UNC13C: variants seen among roughly 807,000 people sequenced by gnomAD.
The protein encoded by UNC13C is unc-13 homolog C.
Under a neutral mutation model 245.4 loss-of-function variants are expected in UNC13C, and 174 were observed. The observed-to-expected ratio is 0.71, with a 90% confidence interval of 0.63 to 0.80. The LOEUF (loss-of-function observed/expected upper bound fraction) is 0.80. Among genes scored for constraint, UNC13C ranks in the 30% least tolerant of loss-of-function variants. UNC13C has a pLI of 0.00. For synonymous variants in UNC13C, 992 were observed against 895.1 expected, an observed-to-expected ratio of 1.11 and a Z score of -1.93; for missense variants, 2,829 against 2,602.9, an observed-to-expected ratio of 1.09 and a Z score of -1.89.
At chr15:54,562,526 C>A (rs1273828309) in intron 29 of UNC13C, among the ~76,000 whole-genome samples, 2 of 151,918 alleles carry the variant, frequency 1.3e-5, no homozygotes, top group African/African-American at 4.8e-5. Flanking sequence ...TTAATAGCAG[C>A]CAGTGACGGG....
intron 13 of UNC13C, among the ~76,000 whole-genome samples, chr15:54,306,284 T>C (rs1227479863): frequency 6.6e-6 from 1 of 151,974 alleles, no homozygotes; most frequent in Admixed American, 6.6e-5. Context: ...GGGATTACAA[T>C]TTTCCTGTTT....
intron 29 of UNC13C, among the ~76,000 whole-genome samples, chr15:54,559,848 TG>T (rs1897232640): frequency 1.3e-5 from 2 of 151,970 alleles, no homozygotes; most frequent in African/African-American, 4.8e-5. Flanking sequence ...TGATCATGAC[TG>T]GCTGAGTATC....
In UNC13C at chr15:54,408,495, A is replaced by G. The variant is rs75823050; in HGVS notation, c.4848-6487A>G. On this transcript the variant is annotated intron_variant, in intron 18 of 32. Coordinates refer to ENST00000260323, the MANE Select transcript of UNC13C (RefSeq NM_001080534.3). ...GTTTTGTGAGAAACAAATTAATATT[A>G]TCCATCTTTTAAAAGAACTCACGTA... Among the ~76,000 whole-genome samples, 810 of 152,298 alleles carry G rather than the reference A, an allele frequency of 5.3e-3. 2 individuals carry two copies. The highest frequency in any genetic ancestry group is 8.7e-3 in the Non-Finnish European group (593 of 68,026).
rs552602942 is a variant in UNC13C, at chr15:54,064,030, C to T, written c.2983+48144C>T. Among the ~76,000 whole-genome samples the T allele has an allele frequency of 3.4e-4, 52 of 152,224 alleles. 1 individual carries two copies. In the South Asian group the frequency reaches 0.011, roughly 32 times the overall value. Reference sequence around the variant, plus strand: ...AGATGGATTTATAGAGCTTTCTTATCCCTCTTTGTGTCTAGCTGCTCACCA... The same window carrying T: ...AGATGGATTTATAGAGCTTTCTTATTCCTCTTTGTGTCTAGCTGCTCACCA... On this transcript the variant is annotated intron_variant, in intron 2 of 32. Coordinates refer to ENST00000260323, the MANE Select transcript of UNC13C (RefSeq NM_001080534.3).
intron 4 of UNC13C, among the ~76,000 whole-genome samples, chr15:54,180,033 CA>C (rs1331409664): frequency 3.3e-5 from 5 of 151,898 alleles, no homozygotes; most frequent in Admixed American, 2.6e-4. Context: ...ATTTTACTTT[CA>C]GGGGGTATAC....
At chr15:54,590,583 A>C (rs1475889326) in intron 30 of UNC13C, among the ~76,000 whole-genome samples, 3 of 152,010 alleles carry the variant, frequency 2.0e-5, no homozygotes, top group Admixed American at 6.6e-5. Context: ...TCTTGATTTG[A>C]TTCTCTATTT....
intron 4 of UNC13C, among the ~76,000 whole-genome samples, chr15:54,170,717 G>C (rs925233171): frequency 1.3e-5 from 2 of 152,136 alleles, no homozygotes; most frequent in East Asian, 3.9e-4. Context: ...ACGATACTCT[G>C]CTAGAGAGAA....
intron 19 of UNC13C, among the ~76,000 whole-genome samples, chr15:54,463,339 G>C (rs532833583): frequency 1.4e-5 from 2 of 140,016 alleles, no homozygotes; most frequent in African/African-American, 2.6e-5. Flanking sequence ...CAACCCACTG[G>C]GGTCCCCTTC....
At chr15:54,592,505 T>C (rs1898844976) in intron 30 of UNC13C, among the ~76,000 whole-genome samples, 1 of 152,190 alleles carries the variant, frequency 6.6e-6, no homozygotes, top group Non-Finnish European at 1.5e-5. Context: ...TGTTTAGGAT[T>C]GTGATATTTT....
chr15:54,255,838 A>G (rs1001003494), intron 8 of UNC13C, among the ~76,000 whole-genome samples: 6 of 152,156 alleles, frequency 3.9e-5, no homozygotes, highest in African/African-American at 1.4e-4. Context: ...CTCTCCCAGC[A>G]TGTTATTGCA....
At position 54,333,857 on chromosome 15, in the gene UNC13C, G is replaced by T; in HGVS notation, c.4584+1G>T. The stretch of plus-strand genomic sequence containing the variant: ...AAGTATCACCTTTTTTAGGATGAAG[G>T]TATCTCATTTTATTTCTGTCACTGT... On this transcript the variant is annotated splice_donor_variant, in intron 16 of 32. Transcript: ENST00000260323. LOFTEE classifies it high-confidence loss of function. The T allele has an allele frequency of 6.3e-7, 1 of 1,590,932 alleles. No individual in the cohort carries two copies. Among genetic ancestry groups the T allele is most frequent in the Non-Finnish European group, 8.6e-7 (1 of 1,165,962 alleles).
chr15:54,227,695 G>A (rs1567116076), intron 4 of UNC13C, among the ~76,000 whole-genome samples: 1 of 152,176 alleles, frequency 6.6e-6, no homozygotes, highest in Non-Finnish European at 1.5e-5. Flanking sequence ...TGGGGACAAG[G>A]GGGCTTCCCG....
intron 7 of UNC13C, among the ~76,000 whole-genome samples, chr15:54,241,658 T>G (rs2035854234): frequency 6.6e-6 from 1 of 152,258 alleles, no homozygotes; most frequent in African/African-American, 2.4e-5. Flanking sequence ...TTGTGAGAAT[T>G]AAAAGAAATA....
At chr15:54,576,158 C>T (rs1897948529) in intron 30 of UNC13C, among the ~76,000 whole-genome samples, 1 of 152,232 alleles carries the variant, frequency 6.6e-6, no homozygotes, top group Admixed American at 6.5e-5. Context: ...ACATTCTCCA[C>T]ACTTCTCACA....
At chr15:54,216,896 C>A (rs1371640386) in intron 4 of UNC13C, among the ~76,000 whole-genome samples, 1 of 151,948 alleles carries the variant, frequency 6.6e-6, no homozygotes, top group Non-Finnish European at 1.5e-5. Flanking sequence ...GTGATCATGA[C>A]AACACAAGAA....
rs768655755 is a variant in UNC13C, at chr15:54,014,631, C to G, written c.1728C>G (p.Ser576Arg). 2.5e-6 allele frequency: 4 copies of G among 1,613,714 alleles called. No individual in the cohort carries two copies. Among genetic ancestry groups the G allele is most frequent in the Non-Finnish European group, 3.4e-6 (4 of 1,179,794 alleles). ...AGTTTTTCACTAGAACTAATGGAAGCTCTCTCCTGTCATCTTCGGACCGGG... is the reference window on the plus strand; with the variant it reads ...AGTTTTTCACTAGAACTAATGGAAGGTCTCTCCTGTCATCTTCGGACCGGG... The part of the protein sequence containing the change: ...ENQFFTRTNG[S>R]SLLSSSDREL... Residue 576 changes from serine (S) to arginine (R), a missense_variant, in exon 2 of 33, where the codon AGC becomes AGG. Ser to Arg is a moderately radical substitution (Grantham distance 110). Transcript: ENST00000260323.
At position 54,627,178 on chromosome 15, in the gene UNC13C, A is replaced by G; in HGVS notation, c.*65A>G. The G allele has an allele frequency of 6.9e-7, 1 of 1,454,044 alleles. No individual in the cohort carries two copies. The highest frequency in any genetic ancestry group is 9.3e-7 in the Non-Finnish European group (1 of 1,076,442). 90.1% of individuals were successfully genotyped at this position (1,454,044 alleles called of 1,614,324 possible). ...GACTACTGCATGCATGTGCAAATAC[A>G]TGGGAATGTTTAGTTCACTACATTT... On this transcript the variant is annotated 3_prime_UTR_variant, in exon 33 of 33. Coordinates refer to ENST00000260323, the MANE Select transcript of UNC13C (RefSeq NM_001080534.3).
chr15:54,259,130 T>G (rs965703015), intron 8 of UNC13C, among the ~76,000 whole-genome samples: 1 of 152,238 alleles, frequency 6.6e-6, no homozygotes, highest in African/African-American at 2.4e-5. Flanking sequence ...GGCTCTGCTT[T>G]CATGATCTAG....
chr15:54,293,825 A>G, intron 10 of UNC13C, 70 bp from the exon 11 acceptor site: 1 of 1,276,268 alleles, frequency 7.8e-7, no homozygotes, highest in Non-Finnish European at 1.0e-6. Context: ...GATAGAAAAT[A>G]AAGTACTAAC....
Sources: allele counts gnomAD v4.1 joint callset (sites outside exome capture counted in the v4.1 genomes callset), GRCh38; gene constraint gnomAD v4.1.1; transcripts MANE v1.5; gene names NCBI Gene and HGNC (gene_info 2026-07-23, HGNC 2026-07-21).